The following CNGA1 variants were observed in gnomAD, a reference collection of about 807,000 sequenced individuals.
CNGA1 encodes the protein cyclic nucleotide-gated channel alpha-1.
A neutral mutation model predicts 69.7 loss-of-function variants in CNGA1; 53 were observed. That is an observed-to-expected ratio of 0.76 (90% CI 0.61 to 0.96). The LOEUF is 0.96. Ranked by LOEUF, CNGA1 falls within the 40% of genes least tolerant of loss-of-function variation. The pLI is 0.00. For synonymous variants in CNGA1, 249 were observed against 283.5 expected (o/e 0.88, Z 1.22); for missense variants, 739 against 811.2 (o/e 0.91, Z 1.08).
At chr4:47,978,037 G>T (rs1288851686) in intron 3 of CNGA1, among the ~76,000 whole-genome samples, 2 of 152,050 alleles carry the variant, frequency 1.3e-5, no homozygotes, top group Non-Finnish European at 2.9e-5. Flanking sequence ...TGTTGGTCAG[G>T]CTGGTCTCGA....
chr4:47,942,035 A>T lies in CNGA1; in HGVS notation c.545+6T>A. The stretch of plus-strand genomic sequence containing the variant: ...CACAAAAAAAAAAAAAAAAAATTAT[A>T]GACACCTGGCAATAACCATTGTCCA... On this transcript the variant is annotated splice_donor_region_variant and intron_variant, in intron 9 of 10. Coordinates refer to ENST00000514170, the MANE Select transcript of CNGA1 (RefSeq NM_001379270.1). 1 of 1,558,630 alleles carries T rather than the reference A, an allele frequency of 6.4e-7. No individual in the cohort carries two copies. The highest frequency in any genetic ancestry group is 8.8e-7 in the Non-Finnish European group (1 of 1,134,854).
rs555271004 is a variant in CNGA1 at position 47,986,656 on chromosome 4, C to T, written c.-122-5156G>A. On this transcript the variant is annotated intron_variant, in intron 2 of 10. Coordinates refer to ENST00000514170, the MANE Select transcript of CNGA1 (RefSeq NM_001379270.1). ...TTCACATATAATTCTTGAGTATCTA[C>T]GGTGTGCTGGGCACTTTTCTACGAG... Among the ~76,000 whole-genome samples the T allele has an allele frequency of 9.2e-5, 14 of 152,080 alleles. 1 individual carries two copies. Among genetic ancestry groups the T allele is most frequent in the African/African-American group, 2.2e-4 (9 of 41,482 alleles).
chr4:48,000,790 A>C (rs1283661374), intron 2 of CNGA1, among the ~76,000 whole-genome samples: 1 of 152,210 alleles, frequency 6.6e-6, no homozygotes, highest in East Asian at 1.9e-4. Context: ...AAACAATGTA[A>C]GCTTAGAATA....
chr4:47,943,314 A>G, intron 7 of CNGA1, 26 bp from the exon 8 acceptor site: 2 of 1,540,192 alleles, frequency 1.3e-6, no homozygotes, highest in South Asian at 1.2e-5. Flanking sequence ...AAGTAGTATT[A>G]AAATACAGAA....
At chr4:47,954,833 G>T (rs1482818913) in intron 3 of CNGA1, among the ~76,000 whole-genome samples, 6 of 152,164 alleles carry the variant, frequency 3.9e-5, no homozygotes. Flanking sequence ...AGGCCCTCTG[G>T]GTGTAGGTGG....
Position 47,952,600 on chromosome 4 carries a change from C to T in CNGA1, c.90G>A (p.Met30Ile), listed in dbSNP as rs377132724. The change falls in exon 4 of 11, where the codon ATG (methionine) becomes ATA (isoleucine). Residue 30 changes from methionine to isoleucine, a missense_variant. Met to Ile is a conservative substitution (Grantham distance 10, BLOSUM62 1). Coordinates refer to ENST00000514170, the MANE Select transcript of CNGA1 (RefSeq NM_001379270.1). ...VPDIEKEIRR[M>I]ENGACSSFSE... ...GGATTTACCTGCATGCTCCATTTTC[C>T]ATCCTTCGTATTTCCTTTTCAATAT... 1.5e-5 allele frequency: 24 copies of T among 1,611,776 alleles called. No homozygotes were observed. The African/African-American group carries it at 2.8e-4, about 19-fold the overall frequency.
chr4:47,947,681 G>GA (rs556323992), intron 6 of CNGA1, among the ~76,000 whole-genome samples: 9 of 148,554 alleles, frequency 6.1e-5, no homozygotes, highest in South Asian at 2.1e-4. Flanking sequence ...AAAAAGAAAA[G>GA]AAAAAAAAAG....
intron 3 of CNGA1, among the ~76,000 whole-genome samples, chr4:47,963,420 T>A (rs945717416): frequency 3.3e-5 from 5 of 152,242 alleles, no homozygotes; most frequent in Admixed American, 6.5e-5. Flanking sequence ...ATATTCCTGA[T>A]AAATGATCAC....
intron 6 of CNGA1, among the ~76,000 whole-genome samples, chr4:47,943,799 G>A (rs1739237786): frequency 6.6e-6 from 1 of 152,134 alleles, no homozygotes; most frequent in Non-Finnish European, 1.5e-5. Context: ...AAATCATTCA[G>A]AATTTTAAGA....
intron 2 of CNGA1, among the ~76,000 whole-genome samples, chr4:47,984,817 A>G (rs983898842): frequency 6.6e-6 from 1 of 152,036 alleles, no homozygotes; most frequent in Non-Finnish European, 1.5e-5. Context: ...AATATTTTCA[A>G]CTTAATATTG....
intron 2 of CNGA1, among the ~76,000 whole-genome samples, chr4:47,990,076 A>C (rs1460595789): frequency 6.6e-6 from 1 of 152,144 alleles, no homozygotes; most frequent in Non-Finnish European, 1.5e-5. Flanking sequence ...TGTAAAACAT[A>C]TGTGTTTGAA....
chr4:47,978,856 AT>A (rs1290655159), intron 3 of CNGA1, among the ~76,000 whole-genome samples: 5 of 151,410 alleles, frequency 3.3e-5, no homozygotes, highest in Non-Finnish European at 7.3e-5. Flanking sequence ...TTTCTGTTTT[AT>A]CAAGACTATA....
chr4:48,007,509 C>A (rs1214996455), intron 2 of CNGA1, among the ~76,000 whole-genome samples: 1 of 152,116 alleles, frequency 6.6e-6, no homozygotes, highest in Admixed American at 6.5e-5. Context: ...TGATGCCAAT[C>A]AAGAGGGCCT....
chr4:47,971,194 G>GC (rs1741003092), intron 3 of CNGA1: 1 of 389,628 alleles, frequency 2.6e-6, no homozygotes. Context: ...GTGTGTGTGT[G>GC]TGTGCTGTGC....
At position 47,936,735 on chromosome 4, in the gene CNGA1, CAGTT is replaced by C. The variant is rs768694789; in HGVS notation, c.1743_1746del (p.Thr582SerfsTer17). ...AGCATAGTTTTGGCATCTGGGTACT[CAGTT>C]AGAGCTTCCATGAGGTCATCTTTTG... is the stretch of plus-strand genomic sequence containing the variant. On this transcript the variant is annotated frameshift_variant, in exon 11 of 11. Coordinates refer to ENST00000514170, the MANE Select transcript of CNGA1 (RefSeq NM_001379270.1). LOFTEE classifies it high-confidence loss of function. 2.8e-5 allele frequency: 45 copies of C among 1,614,036 alleles called. No homozygotes were observed. Among genetic ancestry groups the C allele is most frequent in the Non-Finnish European group, 3.6e-5 (42 of 1,180,036 alleles).
Position 47,937,698 on chromosome 4 carries a change from T to A in CNGA1, c.784A>T (p.Asn262Tyr). The change falls in exon 11 of 11, where the codon AAC becomes TAC. Residue 262 changes from asparagine to tyrosine, a missense_variant. Physicochemically the swap from Asn to Tyr is moderately radical, Grantham distance 143. Coordinates refer to ENST00000514170, the MANE Select transcript of CNGA1 (RefSeq NM_001379270.1). ...TDLLYFKLGW[N>Y]YPEIRLNRLL... is the part of the protein sequence containing the mutation. ...CTGTTTAATCTAATTTCTGGATAGT[T>A]CCACCCTAACTTAAAATACAGCAAA... The A allele has an allele frequency of 6.2e-7, 1 of 1,614,122 alleles. No homozygotes were observed.
At chr4:47,997,809 T>A (rs1410293420) in intron 2 of CNGA1, among the ~76,000 whole-genome samples, 1 of 152,186 alleles carries the variant, frequency 6.6e-6, no homozygotes, top group Non-Finnish European at 1.5e-5. Flanking sequence ...TTTTAAATAT[T>A]ATATTCAAAC....
intron 6 of CNGA1, 43 bp downstream of exon 6, chr4:47,949,789 TC>T (rs1196846707): frequency 6.6e-7 from 1 of 1,508,190 alleles, no homozygotes; most frequent in Non-Finnish European, 9.2e-7. Context: ...TTACTGGTTT[TC>T]TTTAAAACCA....
intron 6 of CNGA1, among the ~76,000 whole-genome samples, chr4:47,944,953 T>G (rs1381628877): frequency 6.6e-6 from 1 of 152,160 alleles, no homozygotes; most frequent in Non-Finnish European, 1.5e-5. Flanking sequence ...TAGAATATAG[T>G]ATTCCTAGAC....
Sources: gnomAD v4.1 joint callset for allele counts (sites outside exome capture counted in the v4.1 genomes callset) on GRCh38, gnomAD v4.1.1 for gene constraint, MANE v1.5 for transcripts, NCBI Gene and HGNC (gene_info 2026-07-23, HGNC 2026-07-21) for gene names.